BRSK2: variants seen among roughly 807,000 people sequenced by gnomAD.
BRSK2 encodes serine/threonine-protein kinase BRSK2.
A neutral mutation model predicts 83.3 loss-of-function variants in BRSK2; 19 were observed. The ratio of observed to expected loss-of-function variants is 0.23; its 90% CI spans 0.16 to 0.33. The LOEUF (loss-of-function observed/expected upper bound fraction) is 0.33. Ranked by LOEUF, BRSK2 falls within the 10% of genes least tolerant of loss-of-function variation. The pLI is 1.00. For missense variants in BRSK2, 798 were observed against 1,042.3 expected, an observed-to-expected ratio of 0.77 and a Z score of 3.23; for synonymous variants, 519 against 435.4, an observed-to-expected ratio of 1.19 and a Z score of -2.39.
At chr11:1,410,546 G>A in intron 1 of BRSK2, 1 of 985,484 alleles carries the variant, frequency 1.0e-6, no homozygotes, top group Non-Finnish European at 1.2e-6. Context: ...CTGAGCACGA[G>A]ACGCCGCTTT....
At chr11:1,450,294 CG>C (rs1329614104) in intron 13 of BRSK2, among the ~76,000 whole-genome samples, 1 of 152,054 alleles carries the variant, frequency 6.6e-6, no homozygotes, top group African/African-American at 2.4e-5. Context: ...GCCACCTCCA[CG>C]GAGCCCGAAG....
chr11:1,396,022 C>T (rs534219193), intron 1 of BRSK2, among the ~76,000 whole-genome samples: 86 of 152,288 alleles, frequency 5.6e-4, no homozygotes, highest in African/African-American at 7.7e-4. Flanking sequence ...TATCAAGGGC[C>T]GTGGCTCCTG....
intron 1 of BRSK2, among the ~76,000 whole-genome samples, chr11:1,408,646 T>G (rs1847085208): frequency 1.3e-5 from 2 of 152,168 alleles, no homozygotes; most frequent in Non-Finnish European, 1.5e-5. Flanking sequence ...CAGGTCAGGG[T>G]TCACGTCGGA....
chr11:1,459,457 A>G (rs1350312854), intron 19 of BRSK2: 4 of 583,432 alleles, frequency 6.9e-6, no homozygotes, highest in Non-Finnish European at 1.2e-5. Flanking sequence ...GGCCAGACTC[A>G]CCTCTGCCAG....
chr11:1,433,229 G>A (rs972046488), intron 1 of BRSK2, among the ~76,000 whole-genome samples: 4 of 152,242 alleles, frequency 2.6e-5, no homozygotes, highest in Admixed American at 2.6e-4. Context: ...GCCATCTTTT[G>A]TGAAAATGCA....
At chr11:1,460,191 T>A (rs1013451795) in intron 19 of BRSK2, among the ~76,000 whole-genome samples, 20 of 152,104 alleles carry the variant, frequency 1.3e-4, no homozygotes, top group African/African-American at 4.3e-4. Flanking sequence ...GAGCACTGGG[T>A]CCTGCGCAAC....
At chr11:1,425,797 C>A (rs939044521) in intron 1 of BRSK2, among the ~76,000 whole-genome samples, 1 of 152,152 alleles carries the variant, frequency 6.6e-6, no homozygotes, top group Admixed American at 6.5e-5. Flanking sequence ...CGACAGGGTC[C>A]CCAGGTGGCA....
chr11:1,419,874 C>G (rs1848477964), intron 1 of BRSK2, among the ~76,000 whole-genome samples: 2 of 152,264 alleles, frequency 1.3e-5, no homozygotes. Context: ...GATGGCGCCC[C>G]TGCACTCCAG....
At chr11:1,410,998 G>A (rs1847425095) in intron 1 of BRSK2, 1 of 987,148 alleles carries the variant, frequency 1.0e-6, no homozygotes, top group Non-Finnish European at 1.2e-6. Context: ...AGGAGCAGGG[G>A]CGGAGAGAAC....
At chr11:1,449,584 A>T (rs1472421350) in intron 12 of BRSK2, among the ~76,000 whole-genome samples, 192 bp from the exon 13 acceptor site, 1 of 152,066 alleles carries the variant, frequency 6.6e-6, no homozygotes, top group African/African-American at 2.4e-5. Context: ...TGGGGGCCCC[A>T]GTGGGGCTGG....
chr11:1,417,535 A>C (rs7102257), intron 1 of BRSK2, among the ~76,000 whole-genome samples: 36,996 of 141,750 alleles, frequency 0.26, 4,815 homozygotes, highest in East Asian at 0.45. Flanking sequence ...ACACTGTGTC[A>C]TGCTTCTGTG....
At chr11:1,435,825 G>T (rs1369137816) in intron 1 of BRSK2, among the ~76,000 whole-genome samples, 2 of 151,884 alleles carry the variant, frequency 1.3e-5, no homozygotes, top group African/African-American at 2.4e-5. Context: ...CAAAGGGCCG[G>T]CGTGGAGGGA....
intron 2 of BRSK2, among the ~76,000 whole-genome samples, chr11:1,436,567 T>C (rs1850327603): frequency 6.6e-6 from 1 of 151,894 alleles, no homozygotes; most frequent in African/African-American, 2.4e-5. Context: ...CTCCATCCGG[T>C]GGTGTCTGGT....
At chr11:1,392,546 T>G (rs1338048988) in intron 1 of BRSK2, among the ~76,000 whole-genome samples, 1 of 152,190 alleles carries the variant, frequency 6.6e-6, no homozygotes, top group Non-Finnish European at 1.5e-5. Flanking sequence ...TCAGTGGCAG[T>G]GGCAGTGAGC....
chr11:1,424,212 G>A (rs1252868997), intron 1 of BRSK2, among the ~76,000 whole-genome samples: 2 of 152,202 alleles, frequency 1.3e-5, no homozygotes, highest in African/African-American at 2.4e-5. Context: ...TGAGCCCCGG[G>A]GAGCCCCACC....
rs918072796 is a variant in BRSK2 at position 1,423,571 on chromosome 11, G to A, written c.92-12469G>A. On this transcript the variant is annotated intron_variant, in intron 1 of 19. Transcript: ENST00000528841. This position sits in a 1 kb window ranked among gnomAD's most constrained non-coding sequence, Gnocchi z 6.5. ...CTGGGGCTCCTCAGACCCGGTCACCGAACAGCAGAGACGTGCTCTTTCACA... is the reference window on the plus strand; with the variant it reads ...CTGGGGCTCCTCAGACCCGGTCACCAAACAGCAGAGACGTGCTCTTTCACA... Among the ~76,000 whole-genome samples, 11 of 152,232 alleles carry A rather than the reference G, an allele frequency of 7.2e-5. No homozygotes were observed. The highest frequency in any genetic ancestry group is 1.9e-4 in the East Asian group (1 of 5,170).
chr11:1,443,752 C>T (rs373984982), intron 8 of BRSK2, 117 bp downstream of exon 8: 213 of 1,305,072 alleles, frequency 1.6e-4, no homozygotes, highest in Admixed American at 7.9e-4. Flanking sequence ...GTGTGTGGGT[C>T]GGTGCCCAGG....
intron 18 of BRSK2, among the ~76,000 whole-genome samples, chr11:1,458,947 C>T (rs372995275): frequency 2.0e-5 from 3 of 152,280 alleles, no homozygotes; most frequent in South Asian, 2.1e-4. Flanking sequence ...GGCTGCTGCC[C>T]AGGTGGCTCC....
chr11:1,439,716 G>A (rs1252679382), intron 3 of BRSK2, among the ~76,000 whole-genome samples: 2 of 138,488 alleles, frequency 1.4e-5, no homozygotes, highest in African/African-American at 5.5e-5. Context: ...CCCCTGCCCA[G>A]AATCCCACCC....
Sources: gnomAD v4.1 joint callset for allele counts (sites outside exome capture counted in the v4.1 genomes callset) on GRCh38, gnomAD v4.1.1 for gene constraint, Gnocchi (gnomAD v3.1) non-coding constraint, MANE v1.5 for transcripts, NCBI Gene and HGNC (gene_info 2026-07-23, HGNC 2026-07-21) for gene names.